The following OTUD4 variants were observed in gnomAD, a reference collection of about 807,000 sequenced individuals.
OTUD4 encodes the protein OTU domain-containing protein 4.
In OTUD4, 24 loss-of-function variants were observed where a neutral mutation model predicts 130.4. The observed-to-expected ratio is 0.18, with a 90% CI of 0.13 to 0.26. The LOEUF is 0.26. Ranked by LOEUF, OTUD4 falls within the 10% of genes least tolerant of loss-of-function variation. OTUD4 has a pLI of 1.00. For missense variants in OTUD4, 1,031 were observed against 1,329.4 expected (o/e 0.78, Z 3.49); for synonymous variants, 420 against 472.5 (o/e 0.89, Z 1.44).
intron 3 of OTUD4, among the ~76,000 whole-genome samples, chr4:145,169,483 A>T (rs1266286049): frequency 1.3e-5 from 2 of 152,040 alleles, no homozygotes; most frequent in Non-Finnish European, 2.9e-5. Context: ...AAGGCAAAAA[A>T]ATATATTTAT....
In OTUD4 at chr4:145,162,642, T is replaced by A. The variant is rs763706614; in HGVS notation, c.494A>T (p.Gln165Leu). 1 of 1,440,642 alleles carries A rather than the reference T, an allele frequency of 6.9e-7. No individual in the cohort carries two copies. Among genetic ancestry groups the A allele is most frequent in the South Asian group, 1.2e-5 (1 of 82,366 alleles). 89.2% of individuals were successfully genotyped at this position (1,440,642 alleles called of 1,614,324 possible). A position where few individuals can be genotyped will look rare whatever the true frequency, so the allele number is the denominator to read the frequency against. The stretch of plus-strand genomic sequence containing the variant: ...TATAAACACAAGGTGATACTTACAC[T>A]GACACATAGCAGAGCTTTCTTTATA... Reference protein sequence around the residue: ...IKYKESSAMCQSLLYELLYEK... With the variant: ...IKYKESSAMCLSLLYELLYEK... Residue 165 changes from glutamine (Q) to leucine (L), a missense_variant and splice_region_variant, in exon 6 of 21, where the codon CAG becomes CTG. This residue lies in a region of OTUD4 where 77 missense variants were observed against 172.9 expected (regional missense o/e 0.45). Transcript: ENST00000447906.
chr4:145,167,833 G>A (rs906379103), intron 3 of OTUD4, among the ~76,000 whole-genome samples: 8 of 152,134 alleles, frequency 5.3e-5, no homozygotes, highest in Admixed American at 4.6e-4. Context: ...ACTCCAGCCT[G>A]CGTATTAAGA....
rs1164797807 is a variant in OTUD4, at chr4:145,171,732, A to T, written c.244-12T>A. On this transcript the variant is annotated splice_polypyrimidine_tract_variant and intron_variant, in intron 2 of 20. Coordinates refer to ENST00000447906, the MANE Select transcript of OTUD4 (RefSeq NM_001366057.1). ...GATCCTTCTATAAACTGCAAAAAAT[A>T]AATCTATTAGAAATGTCATCTAACA... is the stretch of plus-strand genomic sequence containing the variant. The T allele has an allele frequency of 4.2e-6, 5 of 1,185,280 alleles. No individual in the cohort carries two copies. Among genetic ancestry groups the T allele is most frequent in the African/African-American group, 1.5e-5 (1 of 66,450 alleles). The allele number at this position is 1,185,280 out of a possible 1,614,324, so 73.4% of individuals were successfully genotyped here.
In OTUD4 at chr4:145,138,563, C is replaced by T. The variant is rs1366753698; in HGVS notation, c.2212G>A (p.Val738Ile). The T allele has an allele frequency of 6.2e-7, 1 of 1,614,074 alleles. No homozygotes were observed. Among genetic ancestry groups the T allele is most frequent in the Admixed American group, 1.7e-5 (1 of 60,016 alleles). Residue 738 changes from valine (V) to isoleucine (I), a missense_variant, in exon 21 of 21, where the codon GTC becomes ATC. By Grantham distance (29) the Val-to-Ile change is conservative. This residue lies in a region of OTUD4 where 900 missense variants were observed against 1,095.9 expected (regional missense o/e 0.82). Coordinates refer to ENST00000447906, the MANE Select transcript of OTUD4 (RefSeq NM_001366057.1). ...YLAACRMYPK[V>I]PVPVYPHNPW... The stretch of plus-strand genomic sequence containing the variant: ...TTATGAGGATAAACAGGGACAGGGA[C>T]CTTTGGGTACATCCTGCAGGCTGCC...
chr4:145,145,824 A>T (rs1256158740), intron 14 of OTUD4, among the ~76,000 whole-genome samples: 1 of 152,210 alleles, frequency 6.6e-6, no homozygotes, highest in Non-Finnish European at 1.5e-5. Context: ...AGTGCCTGAC[A>T]CATGGAGAAA....
intron 7 of OTUD4, 110 bp from the exon 8 acceptor site, chr4:145,156,106 A>G (rs1751275795): frequency 2.6e-6 from 2 of 779,012 alleles, no homozygotes; most frequent in South Asian, 3.6e-5. Context: ...AAAAAGAGCT[A>G]TATTCCAGTG....
At chr4:145,176,000 G>A (rs985257439) in intron 1 of OTUD4, among the ~76,000 whole-genome samples, 7 of 151,168 alleles carry the variant, frequency 4.6e-5, no homozygotes, top group Non-Finnish European at 8.8e-5. Flanking sequence ...CCGAGTAGCC[G>A]GATTACAGGA....
At chr4:145,141,737 G>T in intron 18 of OTUD4, 98 bp from the exon 19 acceptor site, 1 of 1,121,124 alleles carries the variant, frequency 8.9e-7, no homozygotes, top group Non-Finnish European at 1.2e-6. Flanking sequence ...AACTGATAAA[G>T]CCAATCTAAA....
At chr4:145,173,692 G>T (rs527275437) in intron 2 of OTUD4, among the ~76,000 whole-genome samples, 1 of 151,966 alleles carries the variant, frequency 6.6e-6, no homozygotes, top group African/African-American at 2.4e-5. Context: ...AGTCAACTGG[G>T]GGAAATAACA....
intron 7 of OTUD4, chr4:145,159,040 A>T (rs1403873673): frequency 5.1e-6 from 2 of 388,862 alleles, no homozygotes; most frequent in Non-Finnish European, 7.1e-6. Flanking sequence ...ACCTACACAG[A>T]GGCATTATCC....
chr4:145,174,530 GT>G (rs965733117), intron 2 of OTUD4, 130 bp downstream of exon 2: 7 of 593,716 alleles, frequency 1.2e-5, no homozygotes, highest in African/African-American at 9.3e-5. Context: ...CAATAGAGAA[GT>G]TTTTTTAATA....
At chr4:145,164,391 A>G (rs1278776910) in intron 4 of OTUD4, among the ~76,000 whole-genome samples, 165 bp from the exon 5 acceptor site, 4 of 152,126 alleles carry the variant, frequency 2.6e-5, no homozygotes, top group Non-Finnish European at 5.9e-5. Context: ...TATCTATATA[A>G]AAGTAACCTT....
chr4:145,143,901 T>C (rs1350064681), intron 16 of OTUD4, 45 bp downstream of exon 16: 1 of 1,404,706 alleles, frequency 7.1e-7, no homozygotes, highest in Non-Finnish European at 1.0e-6. Context: ...TACTACACAG[T>C]ATTAAGGAAA....
rs200932211 is a variant in OTUD4, at chr4:145,139,976, C to T, written c.2099G>A (p.Arg700Gln). 13 of 811,680 alleles carry T rather than the reference C, an allele frequency of 1.6e-5. No individual in the cohort carries two copies. In the Middle Eastern group the frequency reaches 8.0e-4, roughly 50 times the overall value. 50.3% of individuals were successfully genotyped at this position (811,680 alleles called of 1,614,324 possible). Residue 700 changes from arginine (R) to glutamine (Q), a missense_variant, in exon 20 of 21, where the codon CGA becomes CAA. By Grantham distance (43) the Arg-to-Gln change is conservative. This residue lies in a region of OTUD4 where 900 missense variants were observed against 1,095.9 expected (regional missense o/e 0.82). Transcript: ENST00000447906. ...CTTCACACCAAGATTGAAGAAGAAT[C>T]GAAGAATATTCTTATCTAAAAATAA... ...EDLPKDKNIL[R>Q]FFFNLGVKAY...
intron 10 of OTUD4, among the ~76,000 whole-genome samples, chr4:145,153,438 T>C (rs569635336): frequency 1.2e-3 from 176 of 152,292 alleles, no homozygotes; most frequent in Middle Eastern, 3.4e-3. Flanking sequence ...ACAGAACTCA[T>C]GGAGATGGAA....
chr4:145,179,752 C>G (rs984517773), intron 1 of OTUD4, 63 bp downstream of exon 1: 3 of 1,467,578 alleles, frequency 2.0e-6, no homozygotes, highest in Non-Finnish European at 2.7e-6. Flanking sequence ...GCTGCCTCCC[C>G]ACCCAGACCC....
intron 20 of OTUD4, among the ~76,000 whole-genome samples, chr4:145,139,304 C>G (rs778061227): frequency 9.9e-5 from 15 of 152,154 alleles, no homozygotes; most frequent in Non-Finnish European, 1.9e-4. Flanking sequence ...AAGTGGTCAG[C>G]AGGCTAAAGG....
At chr4:145,146,683 A>C (rs1007702294) in intron 13 of OTUD4, among the ~76,000 whole-genome samples, 2 of 152,192 alleles carry the variant, frequency 1.3e-5, no homozygotes, top group African/African-American at 4.8e-5. Flanking sequence ...TCAAGAAGAC[A>C]AACAGCAATG....
chr4:145,162,755 C>A, intron 5 of OTUD4, 34 bp from the exon 6 acceptor site: 1 of 1,094,658 alleles, frequency 9.1e-7, no homozygotes. Context: ...CATTTCAGCC[C>A]CTCATACATA....
Sources: gnomAD v4.1 joint callset for allele counts (sites outside exome capture counted in the v4.1 genomes callset) on GRCh38, gnomAD v4.1.1 for gene constraint, gnomAD v4.1.1 regional missense constraint, MANE v1.5 for transcripts, NCBI Gene and HGNC (gene_info 2026-07-23, HGNC 2026-07-21) for gene names.